Variants in CELF2 observed in about 807,000 individuals in gnomAD.
CELF2 encodes CUGBP Elav-like family member 2, also known as CUG triplet repeat RNA-binding protein 2.
A neutral mutation model predicts 62.6 loss-of-function variants in CELF2; 8 were observed. The observed-to-expected ratio is 0.13, with a 90% confidence interval of 0.07 to 0.23. CELF2 has a LOEUF of 0.23. Among genes scored for constraint, CELF2 ranks in the 10% least tolerant of loss-of-function variants. The pLI is 1.00. For missense variants in CELF2, 333 were observed against 671.0 expected (o/e 0.50, Z 5.56); for synonymous variants, 258 against 250.0 (o/e 1.03, Z -0.30).
the CELF2 span, among the ~76,000 whole-genome samples, chr10:10,780,080 G>A: frequency 2.0e-5 from 3 of 152,212 alleles, no homozygotes; most frequent in African/African-American, 7.2e-5. Context: ...ATTTCTGACA[G>A]TAGAATGTTT....
chr10:10,532,735 T>C, the CELF2 span, among the ~76,000 whole-genome samples: 1 of 152,182 alleles, frequency 6.6e-6, no homozygotes. Flanking sequence ...GTATTTATCT[T>C]TGTATTTCAA....
chr10:11,088,746 G>A (rs1009831079), intron 1 of CELF2, among the ~76,000 whole-genome samples: 3 of 152,218 alleles, frequency 2.0e-5, no homozygotes, highest in African/African-American at 7.2e-5. Context: ...TGGGTCAGGA[G>A]TTTGGACAGG....
At chr10:11,102,552 G>A (rs1450524368) in intron 1 of CELF2, among the ~76,000 whole-genome samples, 1 of 152,190 alleles carries the variant, frequency 6.6e-6, no homozygotes, top group Non-Finnish European at 1.5e-5. Flanking sequence ...AGATGTGTGT[G>A]ATTTGTCCTT....
intron 1 of CELF2, among the ~76,000 whole-genome samples, chr10:11,099,907 A>G (rs2051033874): frequency 1.3e-5 from 2 of 150,680 alleles, no homozygotes; most frequent in African/African-American, 2.4e-5. Flanking sequence ...AAAAAACAGA[A>G]AAAACAGCTT....
In CELF2 at chr10:10,995,019, T is replaced by G. The variant is rs1046521703; in HGVS notation, c.89+75020T>G. 1.3e-5 allele frequency among the ~76,000 whole-genome samples: 2 copies of G among 152,168 alleles called. No individual in the cohort carries two copies. The highest frequency in any genetic ancestry group is 2.4e-5 in the African/African-American group (1 of 41,450). ...TCTCCCTGGTGATTCCAGCGCGCTC[T>G]TATCACCTGCCCTTCCTTGGAGCTC... On this transcript the variant is annotated intron_variant, in intron 2 of 13. Transcript: ENST00000636488. The surrounding 1 kb of genome is among the most constrained non-coding windows in gnomAD (Gnocchi z 4.7).
chr10:10,818,080 AT>A (rs1181858577), intron 1 of CELF2, among the ~76,000 whole-genome samples: 1 of 152,188 alleles, frequency 6.6e-6, no homozygotes, highest in African/African-American at 2.4e-5. Flanking sequence ...AAAGCCAAAT[AT>A]TTCTGATCAC....
the CELF2 span, among the ~76,000 whole-genome samples, chr10:10,754,471 G>A: frequency 6.6e-6 from 1 of 152,104 alleles, no homozygotes; most frequent in South Asian, 2.1e-4. Flanking sequence ...ACTCTTAATC[G>A]TGTTCTTTAA....
chr10:10,492,623 C>T, the CELF2 span, among the ~76,000 whole-genome samples: 98 of 152,134 alleles, frequency 6.4e-4, 1 homozygote, highest in Middle Eastern at 3.2e-3. Flanking sequence ...TGTCCACCCA[C>T]GTTTACAGCA....
At chr10:10,534,224 AAAAAAG>A in the CELF2 span, among the ~76,000 whole-genome samples, 2 of 151,450 alleles carry the variant, frequency 1.3e-5, no homozygotes, top group Non-Finnish European at 2.9e-5. Context: ...TAAAAAAAAA[AAAAAAG>A]AAAAAGAAAA....
At chr10:10,729,045 T>C in the CELF2 span, among the ~76,000 whole-genome samples, 15 of 152,202 alleles carry the variant, frequency 9.9e-5, no homozygotes, top group African/African-American at 3.4e-4. Context: ...GAGATGTAAT[T>C]TGGCTCCATA....
At chr10:10,629,856 A>C in the CELF2 span, among the ~76,000 whole-genome samples, 1 of 102,796 alleles carries the variant, frequency 9.7e-6, no homozygotes, top group Non-Finnish European at 1.9e-5. Flanking sequence ...AGCACGGCTG[A>C]AGACCAAAAA....
the CELF2 span, among the ~76,000 whole-genome samples, chr10:10,713,071 A>G: frequency 6.6e-6 from 1 of 152,168 alleles, no homozygotes; most frequent in Non-Finnish European, 1.5e-5. Context: ...CTGTTCTACA[A>G]TACATTAAGT....
chr10:10,491,286 G>A, the CELF2 span, among the ~76,000 whole-genome samples: 1 of 152,118 alleles, frequency 6.6e-6, no homozygotes, highest in Non-Finnish European at 1.5e-5. Flanking sequence ...CAGACACACT[G>A]AATAGATGCA....
At chr10:10,813,360 G>A (rs2056126060) in intron 1 of CELF2, among the ~76,000 whole-genome samples, 1 of 152,156 alleles carries the variant, frequency 6.6e-6, no homozygotes, top group South Asian at 2.1e-4. Flanking sequence ...ATTTTGTTTT[G>A]TGCTAGTTTT....
the CELF2 span, among the ~76,000 whole-genome samples, chr10:10,488,316 C>T: frequency 1.3e-5 from 2 of 152,100 alleles, no homozygotes; most frequent in East Asian, 3.8e-4. Flanking sequence ...ACTTCAAATT[C>T]TAGGAGAGCT....
At chr10:11,069,157 G>GT (rs2068999718) in intron 1 of CELF2, among the ~76,000 whole-genome samples, 1 of 152,072 alleles carries the variant, frequency 6.6e-6, no homozygotes, top group Non-Finnish European at 1.5e-5. Context: ...ATGACCCACA[G>GT]TTTTTTGTAT....
rs1196809069 is a variant in CELF2 at position 10,934,580 on chromosome 10, A to T, written c.89+14581A>T. 6.6e-6 allele frequency: 1 copy of T among 152,234 alleles called. No homozygotes were observed. Among genetic ancestry groups the T allele is most frequent in the Non-Finnish European group, 1.5e-5 (1 of 68,046 alleles). 9.4% of individuals were successfully genotyped at this position (152,234 alleles called of 1,614,324 possible). ...AACTCAGGCAATGAAGGAGGGAGCG[A>T]GCAGTCCACATGATTCTCACATTTC... On this transcript the variant is annotated intron_variant, in intron 2 of 13. Transcript: ENST00000636488. The surrounding 1 kb of genome is among the most constrained non-coding windows in gnomAD (Gnocchi z 4.4).
the CELF2 span, among the ~76,000 whole-genome samples, chr10:10,621,400 G>A: frequency 1.3e-5 from 2 of 152,100 alleles, no homozygotes; most frequent in African/African-American, 4.8e-5. Context: ...ATTCCCTATG[G>A]CACATTTGAA....
chr10:10,650,852 G>A, the CELF2 span, among the ~76,000 whole-genome samples: 19 of 151,236 alleles, frequency 1.3e-4, no homozygotes, highest in African/African-American at 3.4e-4. Context: ...AAATGAAAAC[G>A]TGGAGGGGGG....
Sources: gnomAD v4.1 joint callset for allele counts (sites outside exome capture counted in the v4.1 genomes callset) on GRCh38, gnomAD v4.1.1 for gene constraint, Gnocchi (gnomAD v3.1) non-coding constraint, MANE v1.5 for transcripts, NCBI Gene and HGNC (gene_info 2026-07-23, HGNC 2026-07-21) for gene names.